Variants in NDFIP1 observed in about 807,000 individuals in gnomAD.
NDFIP1 encodes the protein Nedd4 family interacting protein 1, also known as NEDD4 family-interacting protein 1.
In NDFIP1, 7 loss-of-function variants were observed where a neutral mutation model predicts 28.8. That is an observed-to-expected ratio of 0.24 (90% CI 0.14 to 0.46). The LOEUF (loss-of-function observed/expected upper bound fraction) is 0.46, where lower values mean the gene tolerates loss of function less well. Among genes scored for constraint, NDFIP1 ranks in the 20% least tolerant of loss-of-function variants. NDFIP1 has a pLI of 0.99. For missense variants in NDFIP1, 194 were observed against 269.1 expected, an observed-to-expected ratio of 0.72 and a Z score of 1.95; for synonymous variants, 92 against 101.0, an observed-to-expected ratio of 0.91 and a Z score of 0.53.
At position 142,114,704 on chromosome 5, in the gene NDFIP1, A is replaced by C. The variant is rs577547771; in HGVS notation, c.63+5667A>C. Reference sequence around the variant, plus strand: ...TATCACATGAGGAATATATCATGAGAGCTCTCTTGTAATCTGTGAGGAGTA... The same window carrying C: ...TATCACATGAGGAATATATCATGAGCGCTCTCTTGTAATCTGTGAGGAGTA... On this transcript the variant is annotated intron_variant, in intron 1 of 7. Coordinates refer to ENST00000253814, the MANE Select transcript of NDFIP1 (RefSeq NM_030571.4). Among the ~76,000 whole-genome samples the C allele has an allele frequency of 3.3e-5, 5 of 152,350 alleles. 1 individual carries two copies. The South Asian group carries it at 8.3e-4, about 25-fold the overall frequency.
intron 1 of NDFIP1, among the ~76,000 whole-genome samples, chr5:142,128,930 G>A (rs1188315533): frequency 1.3e-5 from 2 of 152,120 alleles, no homozygotes; most frequent in African/African-American, 4.8e-5. Context: ...GTTTCCAGGA[G>A]ACAGGCAGCC....
intron 6 of NDFIP1, 82 bp from the exon 7 acceptor site, chr5:142,144,489 C>T (rs531219023): frequency 1.6e-4 from 149 of 951,380 alleles, no homozygotes; most frequent in African/African-American, 1.6e-3. Context: ...AACAATGTAT[C>T]GCTATCAGGA....
chr5:142,121,676 C>T (rs1757123689), intron 1 of NDFIP1, among the ~76,000 whole-genome samples: 1 of 152,206 alleles, frequency 6.6e-6, no homozygotes, highest in African/African-American at 2.4e-5. Context: ...TGCTGTTCTC[C>T]TCTCCTGAAA....
rs569233225 is a variant in NDFIP1 at position 142,146,279 on chromosome 5, T to C, written c.*2+1603T>C. Among the ~76,000 whole-genome samples the C allele has an allele frequency of 9.2e-5, 14 of 152,380 alleles. No individual in the cohort carries two copies. The South Asian group carries it at 2.9e-3, about 32-fold the overall frequency. ...GAAAATGTGTAGCATGTCATGAATT[T>C]GAATTCAGTCACACAGTCTGGACAC... On this transcript the variant is annotated intron_variant, in intron 7 of 7. Transcript: ENST00000253814.
At chr5:142,120,408 T>A (rs921821695) in intron 1 of NDFIP1, among the ~76,000 whole-genome samples, 1 of 152,030 alleles carries the variant, frequency 6.6e-6, no homozygotes, top group Admixed American at 6.5e-5. Flanking sequence ...AAACAGGTTG[T>A]TTTTTGGCTT....
chr5:142,152,318 A>G lies in NDFIP1; in HGVS notation c.*590A>G, dbSNP rs553150447. 1 of 152,634 alleles carries G rather than the reference A, an allele frequency of 6.6e-6. No homozygotes were observed. The highest frequency in any genetic ancestry group is 2.4e-5 in the African/African-American group (1 of 41,570). 9.5% of individuals were successfully genotyped at this position (152,634 alleles called of 1,614,324 possible). A position where few individuals can be genotyped will look rare whatever the true frequency, so the allele number is the denominator to read the frequency against. ...AAAATAAGTCTTTAATTGGTAAATA[A>G]TAAGCATTAATTTTTTATAGCCTGT... On this transcript the variant is annotated 3_prime_UTR_variant, in exon 8 of 8. Coordinates refer to ENST00000253814, the MANE Select transcript of NDFIP1 (RefSeq NM_030571.4).
chr5:142,116,892 G>A (rs577186034), intron 1 of NDFIP1, among the ~76,000 whole-genome samples: 10 of 151,896 alleles, frequency 6.6e-5, no homozygotes, highest in Admixed American at 3.3e-4. Context: ...TGTATTTTTA[G>A]TAGAGATGGG....
chr5:142,125,223 TC>T (rs138127699), intron 1 of NDFIP1, among the ~76,000 whole-genome samples: 13,232 of 152,244 alleles, frequency 0.087, 748 homozygotes, highest in African/African-American at 0.16. Context: ...ATTTTGTCGA[TC>T]CCTTCGTAAG....
chr5:142,141,023 C>A (rs1035760461), intron 6 of NDFIP1, among the ~76,000 whole-genome samples: 25 of 152,204 alleles, frequency 1.6e-4, no homozygotes, highest in African/African-American at 6.0e-4. Flanking sequence ...GTGCAGGTGG[C>A]CCATCTTTGG....
chr5:142,148,084 C>T (rs942923623), intron 7 of NDFIP1, among the ~76,000 whole-genome samples: 5 of 152,148 alleles, frequency 3.3e-5, no homozygotes, highest in African/African-American at 1.2e-4. Flanking sequence ...GATACAGATA[C>T]AGAATTTTTA....
intron 6 of NDFIP1, among the ~76,000 whole-genome samples, chr5:142,141,348 T>C (rs1757328224): frequency 6.6e-6 from 1 of 151,724 alleles, no homozygotes; most frequent in African/African-American, 2.4e-5. Context: ...GCTAATTTTT[T>C]TGTATTTTTA....
chr5:142,150,506 T>G (rs1757434377), intron 7 of NDFIP1, among the ~76,000 whole-genome samples: 1 of 152,032 alleles, frequency 6.6e-6, no homozygotes, highest in African/African-American at 2.4e-5. Flanking sequence ...TCCAGTGTGT[T>G]TGTAGTCTCT....
intron 1 of NDFIP1, among the ~76,000 whole-genome samples, chr5:142,124,453 G>A (rs151223329): frequency 7.9e-4 from 120 of 152,164 alleles, no homozygotes; most frequent in African/African-American, 2.8e-3. Context: ...TCATTTCTAA[G>A]GACTCATTCT....
intron 1 of NDFIP1, among the ~76,000 whole-genome samples, chr5:142,131,414 A>G (rs1368064753): frequency 2.6e-5 from 4 of 152,224 alleles, no homozygotes; most frequent in African/African-American, 7.2e-5. Flanking sequence ...AGCTGGGACT[A>G]TAGGAGTGTG....
intron 1 of NDFIP1, among the ~76,000 whole-genome samples, chr5:142,131,142 ACAGGGTTTGTTTTGCCATGTTGCC>A (rs1290146241): frequency 1.3e-5 from 2 of 151,824 alleles, no homozygotes; most frequent in Non-Finnish European, 2.9e-5. Flanking sequence ...TTTTGTAGAG[ACAGGGTTTGTTTTGCCATGTTGCC>A]CAGGCTAGTC....
At chr5:142,127,654 TG>T (rs1757184206) in intron 1 of NDFIP1, among the ~76,000 whole-genome samples, 2 of 152,250 alleles carry the variant, frequency 1.3e-5, no homozygotes, top group South Asian at 4.1e-4. Flanking sequence ...TTGGAAAAAA[TG>T]CCATTTAAAT....
chr5:142,144,768 G>A (rs1757371384), intron 7 of NDFIP1, 92 bp downstream of exon 7: 1 of 729,064 alleles, frequency 1.4e-6, no homozygotes, highest in African/African-American at 1.8e-5. Context: ...CTGTGATAGG[G>A]GCATATAGAG....
At chr5:142,109,085 C>T (rs963404068) in intron 1 of NDFIP1, 48 bp downstream of exon 1, 4 of 1,306,284 alleles carry the variant, frequency 3.1e-6, no homozygotes, top group Admixed American at 4.0e-5. Context: ...CTGGCTCTGC[C>T]CTGCCCGCTG....
intron 1 of NDFIP1, among the ~76,000 whole-genome samples, chr5:142,119,266 A>C (rs1757099118): frequency 6.6e-6 from 1 of 152,200 alleles, no homozygotes; most frequent in Admixed American, 6.5e-5. Context: ...ATCCATTTAC[A>C]TCATTCTTCA....
Sources: gnomAD v4.1 joint callset for allele counts (sites outside exome capture counted in the v4.1 genomes callset) on GRCh38, gnomAD v4.1.1 for gene constraint, MANE v1.5 for transcripts, NCBI Gene and HGNC (gene_info 2026-07-23, HGNC 2026-07-21) for gene names.